Variants in EFHC2 observed in about 807,000 individuals in gnomAD.
EFHC2 encodes EF-hand domain-containing family member C2.
Under a neutral mutation model 52.7 loss-of-function variants are expected in EFHC2, and 18 were observed. That is an observed-to-expected ratio of 0.34 (90% CI 0.24 to 0.51). EFHC2 has a LOEUF of 0.51. EFHC2 is among the 20% of genes least tolerant of loss of function. EFHC2 has a pLI of 0.97. For synonymous variants in EFHC2, 203 were observed against 204.1 expected, an observed-to-expected ratio of 0.99 and a Z score of 0.04; for missense variants, 513 against 562.5, an observed-to-expected ratio of 0.91 and a Z score of 0.89.
Position 44,148,711 on chromosome X carries a change from G to C in EFHC2, c.*84C>G. 1.3e-6 allele frequency: 1 copy of C among 798,544 alleles called. No homozygotes were observed. Among genetic ancestry groups the C allele is most frequent in the Non-Finnish European group, 1.8e-6 (1 of 564,770 alleles). The allele number at this position is 798,544 out of a possible 1,213,427, so 65.8% of individuals were successfully genotyped here. On this transcript the variant is annotated 3_prime_UTR_variant, in exon 15 of 15. Coordinates refer to ENST00000420999, the MANE Select transcript of EFHC2 (RefSeq NM_025184.4). ...TTAATATAAACCTTGTTTCTTTTTT[G>C]TTTTTAATGAAATTATATCTACTAA...
chrX:44,150,728 A>G (rs1317419434), intron 14 of EFHC2, among the ~76,000 whole-genome samples: 1 of 111,591 alleles, frequency 9.0e-6, no homozygotes, highest in African/African-American at 3.3e-5. Flanking sequence ...GCAGGAGAAC[A>G]TGAAATAGCT....
At chrX:44,336,109 G>A (rs764468805) in intron 1 of EFHC2, among the ~76,000 whole-genome samples, 2 of 101,479 alleles carry the variant, frequency 2.0e-5, no homozygotes, top group Non-Finnish European at 2.1e-5. Context: ...ATACCAGGCC[G>A]GGTGTGGTGG....
chrX:44,241,372 T>C (rs1406697556), intron 8 of EFHC2, among the ~76,000 whole-genome samples: 1 of 112,157 alleles, frequency 8.9e-6, no homozygotes, highest in Non-Finnish European at 1.9e-5. Context: ...CATTTAAAAT[T>C]ATATTCAGCC....
chrX:44,238,719 A>G (rs2037338369), intron 8 of EFHC2, among the ~76,000 whole-genome samples: 1 of 111,766 alleles, frequency 8.9e-6, no homozygotes, highest in Non-Finnish European at 1.9e-5. Context: ...AGTAAAGTCC[A>G]TCAAGACCAC....
intron 3 of EFHC2, among the ~76,000 whole-genome samples, chrX:44,264,100 T>C (rs1373733944): frequency 3.6e-5 from 4 of 111,647 alleles, no homozygotes; most frequent in East Asian, 2.8e-4. Flanking sequence ...CTCAGAGAGG[T>C]TAAATGCCAT....
At chrX:44,283,260 G>A (rs2037722260) in intron 2 of EFHC2, among the ~76,000 whole-genome samples, 1 of 111,744 alleles carries the variant, frequency 8.9e-6, no homozygotes, top group Admixed American at 9.5e-5. Flanking sequence ...TCAGCTCACT[G>A]CAAGCTCTGC....
chrX:44,261,228 A>G lies in EFHC2; in HGVS notation c.453T>C (p.His151=). The change falls in exon 4 of 15, where the codon CAT becomes CAC. Residue 151 remains histidine (H), a synonymous_variant. Transcript: ENST00000420999. ...AGACAACCTCTGTGCCGACATTAAA[A>G]TGATACACAGTATAAAACTGATCCT... is the stretch of plus-strand genomic sequence containing the variant. ...PDEDQFYTVY[H]FNVGTEVVFY... 8.3e-7 allele frequency: 1 copy of G among 1,211,905 alleles called. No homozygotes were observed. The highest frequency in any genetic ancestry group is 3.0e-5 in the East Asian group (1 of 33,855).
In EFHC2 at chrX:44,293,098, T is replaced by C. The variant is rs761529845; in HGVS notation, c.231+19470A>G. ...TTCAAGCAATTCCCCTGCCTCAGTC[T>C]CCTGAGTAGCTGGGATTACAGGTAC... On this transcript the variant is annotated intron_variant, in intron 2 of 14. Coordinates refer to ENST00000420999, the MANE Select transcript of EFHC2 (RefSeq NM_025184.4). 2.3e-3 allele frequency among the ~76,000 whole-genome samples: 248 copies of C among 108,386 alleles called. 1 individual carries two copies. The highest frequency in any genetic ancestry group is 2.8e-3 in the Non-Finnish European group (148 of 52,344). 94.1% of individuals were successfully genotyped at this position (108,386 alleles called of 115,157 possible).
chrX:44,251,990 AT>A (rs1182061142), intron 4 of EFHC2, among the ~76,000 whole-genome samples: 1 of 112,231 alleles, frequency 8.9e-6, no homozygotes, highest in Non-Finnish European at 1.9e-5. Context: ...ATATGTGTTC[AT>A]AATTCTTACT....
intron 11 of EFHC2, among the ~76,000 whole-genome samples, chrX:44,211,502 T>C (rs2037095223): frequency 9.0e-6 from 1 of 110,601 alleles, no homozygotes; most frequent in Non-Finnish European, 1.9e-5. Context: ...CACTCCAGCC[T>C]GGGCGACAGA....
intron 5 of EFHC2, among the ~76,000 whole-genome samples, chrX:44,249,983 C>T (rs2037429821): frequency 8.9e-6 from 1 of 112,527 alleles, no homozygotes. Flanking sequence ...CCTTTACTTG[C>T]CTTAACTTCA....
At chrX:44,281,579 C>T (rs969739226) in intron 2 of EFHC2, among the ~76,000 whole-genome samples, 2 of 111,530 alleles carry the variant, frequency 1.8e-5, no homozygotes, top group African/African-American at 6.5e-5. Context: ...ATTCCTTTCA[C>T]CTTCCAAAAA....
intron 4 of EFHC2, among the ~76,000 whole-genome samples, chrX:44,259,972 A>G (rs1445400595): frequency 1.8e-5 from 2 of 112,035 alleles, no homozygotes; most frequent in East Asian, 5.5e-4. Context: ...AGTGGCTTTT[A>G]AAAAGAGATC....
chrX:44,156,326 C>T (rs1321555788), intron 14 of EFHC2, among the ~76,000 whole-genome samples: 1 of 112,501 alleles, frequency 8.9e-6, no homozygotes, highest in Non-Finnish European at 1.9e-5. Context: ...TATTCAACCA[C>T]AAATATTAGA....
intron 2 of EFHC2, among the ~76,000 whole-genome samples, chrX:44,307,183 A>G (rs2037911999): frequency 9.0e-6 from 1 of 111,026 alleles, no homozygotes; most frequent in Non-Finnish European, 1.9e-5. Context: ...TCACCACCCC[A>G]GCATGGATCT....
chrX:44,180,062 T>C, intron 11 of EFHC2, among the ~76,000 whole-genome samples: 1 of 111,740 alleles, frequency 8.9e-6, no homozygotes, highest in Non-Finnish European at 1.9e-5. Context: ...AAAGCCAGAA[T>C]GTGAACCCGT....
At chrX:44,333,281 C>T (rs370806689) in intron 1 of EFHC2, among the ~76,000 whole-genome samples, 1 of 111,031 alleles carries the variant, frequency 9.0e-6, no homozygotes, top group Middle Eastern at 4.6e-3. Context: ...CTGAGATGAT[C>T]GGGGAAGGCT....
At chrX:44,164,579 C>T (rs775214661) in intron 13 of EFHC2, among the ~76,000 whole-genome samples, 4 of 111,638 alleles carry the variant, frequency 3.6e-5, no homozygotes, top group Non-Finnish European at 7.5e-5. Context: ...GTTCTTGATA[C>T]ACGGTTAAGT....
At chrX:44,330,082 C>A (rs2038076915) in intron 1 of EFHC2, among the ~76,000 whole-genome samples, 1 of 16,931 alleles carries the variant, frequency 5.9e-5, no homozygotes, top group African/African-American at 4.5e-4. Context: ...AACCCTGTCT[C>A]TACAAAAAAA....
Sources: allele counts gnomAD v4.1 joint callset (sites outside exome capture counted in the v4.1 genomes callset), GRCh38; gene constraint gnomAD v4.1.1; transcripts MANE v1.5; gene names NCBI Gene and HGNC (gene_info 2026-07-23, HGNC 2026-07-21).